PCDHGA11: variants seen among roughly 807,000 people sequenced by gnomAD.
PCDHGA11 encodes the protein protocadherin gamma subfamily A, 11.
PCDHGA11 carries 39 observed loss-of-function variants against 60.4 expected under a neutral mutation model. The ratio of observed to expected loss-of-function variants is 0.65; its 90% confidence interval spans 0.50 to 0.84. The LOEUF (loss-of-function observed/expected upper bound fraction) is 0.84, where lower values mean the gene tolerates loss of function less well. PCDHGA11 is among the 40% of genes least tolerant of loss of function. PCDHGA11 has a pLI of 0.00. For synonymous variants in PCDHGA11, 533 were observed against 510.3 expected, an observed-to-expected ratio of 1.04 and a Z score of -0.60; for missense variants, 1,165 against 1,197.7, an observed-to-expected ratio of 0.97 and a Z score of 0.40.
At chr5:141,504,452 T>C (rs1208972630) in intron 2 of PCDHGA11, among the ~76,000 whole-genome samples, 1 of 152,060 alleles carries the variant, frequency 6.6e-6, no homozygotes, top group Non-Finnish European at 1.5e-5. Flanking sequence ...TAGTGCCATG[T>C]GGGGCAGCCG....
rs117345436 is a variant in PCDHGA11 at position 141,492,015 on chromosome 5, G to T, written c.2434-2792G>T. 1,356 of 600,608 alleles carry T rather than the reference G, an allele frequency of 2.3e-3. 40 individuals carry two copies. The East Asian group carries it at 0.038, about 17-fold the overall frequency. The allele number at this position is 600,608 out of a possible 1,614,324, so 37.2% of individuals were successfully genotyped here. A position where few individuals can be genotyped will look rare whatever the true frequency, so the allele number is the denominator to read the frequency against. ...ATTTCGGGCGATTTCCGCGGGTGTC[G>T]GGGGTCCCGGGAGGAGGCAGTCACA... On this transcript the variant is annotated intron_variant, in intron 1 of 3. Transcript: ENST00000398587.
intron 1 of PCDHGA11, among the ~76,000 whole-genome samples, chr5:141,426,115 G>A (rs574477590): frequency 4.6e-5 from 7 of 152,364 alleles, no homozygotes; most frequent in South Asian, 2.1e-4. Flanking sequence ...GAAGCAAGTC[G>A]GAGAGTGGCC....
Position 141,491,842 on chromosome 5 carries a change from T to C in PCDHGA11, c.2434-2965T>C, listed in dbSNP as rs551615550. The C allele has an allele frequency of 7.5e-6, 11 of 1,464,162 alleles. No homozygotes were observed. In the South Asian group the frequency reaches 1.3e-4, roughly 17 times the overall value. 90.7% of individuals were successfully genotyped at this position (1,464,162 alleles called of 1,614,324 possible). ...GCGCTCCACCCGATTCTCGGGATCA[T>C]TGGACCGTTTGCGCGAAACCAGAGT... On this transcript the variant is annotated intron_variant, in intron 1 of 3. Transcript: ENST00000398587. The surrounding 1 kb of genome is among the most constrained non-coding windows in gnomAD (Gnocchi z 6.9).
chr5:141,460,537 C>T (rs2098991642), intron 1 of PCDHGA11, among the ~76,000 whole-genome samples: 1 of 152,062 alleles, frequency 6.6e-6, no homozygotes, highest in African/African-American at 2.4e-5. Context: ...ATAATCTTAG[C>T]ACCTTAATCA....
At position 141,477,498 on chromosome 5, in the gene PCDHGA11, C is replaced by T. The variant is rs754212608; in HGVS notation, c.2434-17309C>T. ...AACCCTCCACAATCTTCTCAATCTT[C>T]CTACGACGTTTACATTGAAGAAAAC... On this transcript the variant is annotated intron_variant, in intron 1 of 3. Coordinates refer to ENST00000398587, the MANE Select transcript of PCDHGA11 (RefSeq NM_018914.3). The surrounding 1 kb of genome is among the most constrained non-coding windows in gnomAD (Gnocchi z 4.9). 3.7e-6 allele frequency: 6 copies of T among 1,614,038 alleles called. No individual in the cohort carries two copies. The highest frequency in any genetic ancestry group is 5.1e-6 in the Non-Finnish European group (6 of 1,180,038).
Position 141,438,011 on chromosome 5 carries a change from G to T in PCDHGA11, c.2433+14351G>T, listed in dbSNP as rs189978786. On this transcript the variant is annotated intron_variant, in intron 1 of 3. Coordinates refer to ENST00000398587, the MANE Select transcript of PCDHGA11 (RefSeq NM_018914.3). ...CCACCTCAGCCTCCCAAATAGCTGAGATTACAGGTGTGAGCCACCATGCCC... is the reference window on the plus strand; with the variant it reads ...CCACCTCAGCCTCCCAAATAGCTGATATTACAGGTGTGAGCCACCATGCCC... 2.8e-3 allele frequency among the ~76,000 whole-genome samples: 432 copies of T among 152,220 alleles called. 1 individual carries two copies. The highest frequency in any genetic ancestry group is 0.021 in the Admixed American group (318 of 15,288).
At chr5:141,449,080 A>G (rs2098627421) in intron 1 of PCDHGA11, among the ~76,000 whole-genome samples, 1 of 152,198 alleles carries the variant, frequency 6.6e-6, no homozygotes, top group Non-Finnish European at 1.5e-5. Context: ...CCCTGTACCT[A>G]CATCAGTTTT....
chr5:141,427,937 C>T, intron 1 of PCDHGA11: 1 of 1,584,566 alleles, frequency 6.3e-7, no homozygotes, highest in African/African-American at 1.3e-5. Flanking sequence ...TGTTGGTGGG[C>T]GACCTCAATG....
Position 141,450,757 on chromosome 5 carries a change from G to A in PCDHGA11, c.2433+27097G>A, listed in dbSNP as rs575351311. Among the ~76,000 whole-genome samples, 5 of 151,964 alleles carry A rather than the reference G, an allele frequency of 3.3e-5. No individual in the cohort carries two copies. In the East Asian group the frequency reaches 9.7e-4, roughly 29 times the overall value. ...CCGCCTTGGCCTCCCAAAGTGCCGG[G>A]ATTACAGGCATGAGCCACCGTGCCC... On this transcript the variant is annotated intron_variant, in intron 1 of 3. Coordinates refer to ENST00000398587, the MANE Select transcript of PCDHGA11 (RefSeq NM_018914.3).
In PCDHGA11 at chr5:141,432,770, G is replaced by A. The variant is rs930442281; in HGVS notation, c.2433+9110G>A. The A allele has an allele frequency of 6.2e-7, 1 of 1,614,128 alleles. No individual in the cohort carries two copies. On this transcript the variant is annotated intron_variant, in intron 1 of 3. Coordinates refer to ENST00000398587, the MANE Select transcript of PCDHGA11 (RefSeq NM_018914.3). This position sits in a 1 kb window ranked among gnomAD's most constrained non-coding sequence, Gnocchi z 6.0. ...GGCCGTGGCCGACAGCATCCCCCAAGTCCTGGCGGACCTCGGCAGCCTCGA... is the reference window on the plus strand; with the variant it reads ...GGCCGTGGCCGACAGCATCCCCCAAATCCTGGCGGACCTCGGCAGCCTCGA...
Position 141,490,721 on chromosome 5 carries a change from T to C in PCDHGA11, c.2434-4086T>C, listed in dbSNP as rs779242781. On this transcript the variant is annotated intron_variant, in intron 1 of 3. Coordinates refer to ENST00000398587, the MANE Select transcript of PCDHGA11 (RefSeq NM_018914.3). This position sits in a 1 kb window ranked among gnomAD's most constrained non-coding sequence, Gnocchi z 5.4. The stretch of plus-strand genomic sequence containing the variant: ...AATGCCCGCCTCACCTACTCCATTG[T>C]AGGAAATCAGGTTCAGGGAGCCCCA... 23 of 1,614,056 alleles carry C rather than the reference T, an allele frequency of 1.4e-5. No individual in the cohort carries two copies. The highest frequency in any genetic ancestry group is 6.6e-5 in the South Asian group (6 of 91,080).
At chr5:141,430,846 C>A in intron 1 of PCDHGA11, 1 of 1,576,344 alleles carries the variant, frequency 6.3e-7, no homozygotes, top group South Asian at 1.2e-5. Context: ...CCGGATGCAC[C>A]CAGATACGCT....
chr5:141,489,101 T>G lies in PCDHGA11; in HGVS notation c.2434-5706T>G. 1 of 398,408 alleles carries G rather than the reference T, an allele frequency of 2.5e-6. No homozygotes were observed. Among genetic ancestry groups the G allele is most frequent in the Non-Finnish European group, 4.5e-6 (1 of 223,328 alleles). The allele number at this position is 398,408 out of a possible 1,614,324, so 24.7% of individuals were successfully genotyped here. On this transcript the variant is annotated intron_variant, in intron 1 of 3. Transcript: ENST00000398587. The surrounding 1 kb of genome is among the most constrained non-coding windows in gnomAD (Gnocchi z 4.5). Reference sequence around the variant, plus strand: ...CCGCCACTCGGTGACTAAGAACTGCTGCAAGCAGGCAAACCTCCGAGCAGT... The same window carrying G: ...CCGCCACTCGGTGACTAAGAACTGCGGCAAGCAGGCAAACCTCCGAGCAGT...
chr5:141,477,162 C>A lies in PCDHGA11; in HGVS notation c.2434-17645C>A, dbSNP rs147392557. ...GAGGTTGTGGATGTGAATGACAACG[C>A]CCCGGAGATCACAGTCACCTCCGTG... On this transcript the variant is annotated intron_variant, in intron 1 of 3. Transcript: ENST00000398587. This position sits in a 1 kb window ranked among gnomAD's most constrained non-coding sequence, Gnocchi z 4.9. 3.5e-5 allele frequency: 57 copies of A among 1,614,162 alleles called. No homozygotes were observed. The Middle Eastern group carries it at 9.9e-4, about 28-fold the overall frequency.
chr5:141,476,564 C>G lies in PCDHGA11; in HGVS notation c.2434-18243C>G, dbSNP rs2099393821. 1.2e-6 allele frequency: 2 copies of G among 1,614,196 alleles called. No individual in the cohort carries two copies. Among genetic ancestry groups the G allele is most frequent in the South Asian group, 1.1e-5 (1 of 91,086 alleles). ...ATTGGAGATTAGCGAGGCCGTGGCT[C>G]CGGGGACGCGCTTTCCGCTCGAGAG... On this transcript the variant is annotated intron_variant, in intron 1 of 3. Coordinates refer to ENST00000398587, the MANE Select transcript of PCDHGA11 (RefSeq NM_018914.3). This position sits in a 1 kb window ranked among gnomAD's most constrained non-coding sequence, Gnocchi z 7.6.
At position 141,476,994 on chromosome 5, in the gene PCDHGA11, A is replaced by T; in HGVS notation, c.2434-17813A>T. 6.2e-7 allele frequency: 1 copy of T among 1,614,260 alleles called. No individual in the cohort carries two copies. The highest frequency in any genetic ancestry group is 2.2e-5 in the East Asian group (1 of 44,884). On this transcript the variant is annotated intron_variant, in intron 1 of 3. Transcript: ENST00000398587. This position sits in a 1 kb window ranked among gnomAD's most constrained non-coding sequence, Gnocchi z 7.6. ...AGCCACAACCGCGCCGGCGTGCGGC[A>T]ACTATTCGCCTTAGACCTTGTAACC...
chr5:141,453,288 A>ATTAT (rs577328880), intron 1 of PCDHGA11, among the ~76,000 whole-genome samples: 1,792 of 151,444 alleles, frequency 0.012, 41 homozygotes, highest in African/African-American at 0.034. Context: ...TAATTTTTTA[A>ATTAT]TTATTTATTT....
intron 1 of PCDHGA11, among the ~76,000 whole-genome samples, chr5:141,467,938 C>A (rs527892047): frequency 9.8e-5 from 15 of 152,304 alleles, no homozygotes; most frequent in Non-Finnish European, 1.5e-4. Flanking sequence ...GGATTACAAG[C>A]ATGAGCCACC....
Position 141,485,011 on chromosome 5 carries a change from C to G in PCDHGA11, c.2434-9796C>G, listed in dbSNP as rs2099605048. 3.2e-6 allele frequency: 2 copies of G among 631,064 alleles called. No homozygotes were observed. The highest frequency in any genetic ancestry group is 5.5e-5 in the East Asian group (2 of 36,662). The allele number at this position is 631,064 out of a possible 1,614,324, so 39.1% of individuals were successfully genotyped here. A position where few individuals can be genotyped will look rare whatever the true frequency, so the allele number is the denominator to read the frequency against. Reference sequence around the variant, plus strand: ...TGGTGAAAGGCAGACAAATCTACCCCGCCACCAGCAAAAACGGCGCGTAAC... The same window carrying G: ...TGGTGAAAGGCAGACAAATCTACCCGGCCACCAGCAAAAACGGCGCGTAAC... On this transcript the variant is annotated intron_variant, in intron 1 of 3. Coordinates refer to ENST00000398587, the MANE Select transcript of PCDHGA11 (RefSeq NM_018914.3). This position sits in a 1 kb window ranked among gnomAD's most constrained non-coding sequence, Gnocchi z 5.7.
Sources: gnomAD v4.1 joint callset for allele counts (sites outside exome capture counted in the v4.1 genomes callset) on GRCh38, gnomAD v4.1.1 for gene constraint, Gnocchi (gnomAD v3.1) non-coding constraint, MANE v1.5 for transcripts, NCBI Gene and HGNC (gene_info 2026-07-23, HGNC 2026-07-21) for gene names.